Variants in ERAP2 observed in about 807,000 individuals in gnomAD.
ERAP2 encodes leukocyte-derived arginine aminopeptidase.
ERAP2 carries 118 observed loss-of-function variants against 111.1 expected under a neutral mutation model. The observed-to-expected ratio is 1.06, with a 90% CI of 0.92 to 1.24. The LOEUF is 1.24. Ranked by LOEUF, ERAP2 falls within the 50% of genes most tolerant of loss-of-function variation. ERAP2 has a pLI of 0.00. For missense variants in ERAP2, 1,131 were observed against 1,125.8 expected, an observed-to-expected ratio of 1.00 and a Z score of -0.07; for synonymous variants, 410 against 401.2, an observed-to-expected ratio of 1.02 and a Z score of -0.26.
intron 9 of ERAP2, 131 bp from the exon 10 acceptor site, chr5:96,899,990 T>C (rs1785277286): frequency 1.8e-6 from 2 of 1,099,600 alleles, no homozygotes; most frequent in Non-Finnish European, 2.6e-6. Flanking sequence ...TCCATTTTTA[T>C]GTTCATTATC....
intron 4 of ERAP2, among the ~76,000 whole-genome samples, chr5:96,888,782 T>C (rs529859810): frequency 2.0e-5 from 3 of 152,220 alleles, no homozygotes; most frequent in Non-Finnish European, 4.4e-5. Context: ...GCTTCCCACA[T>C]AGGTCTAGAA....
intron 4 of ERAP2, 72 bp from the exon 5 acceptor site, chr5:96,889,111 TGA>T: frequency 6.4e-7 from 1 of 1,571,750 alleles, no homozygotes; most frequent in Non-Finnish European, 8.7e-7. Flanking sequence ...CCTTTCTGTG[TGA>T]GAGGGTTATC....
chr5:96,914,548 A>C (rs953194112), intron 17 of ERAP2, among the ~76,000 whole-genome samples: 1 of 152,244 alleles, frequency 6.6e-6, no homozygotes, highest in Non-Finnish European at 1.5e-5. Flanking sequence ...TGAAATGATC[A>C]GCCTTAATCT....
chr5:96,880,347 C>A, intron 2 of ERAP2, 87 bp downstream of exon 2: 1 of 1,210,020 alleles, frequency 8.3e-7, no homozygotes, highest in Non-Finnish European at 1.1e-6. Flanking sequence ...CTTCAGCAGC[C>A]ATTTATGAGA....
At chr5:96,896,123 G>A (rs1225213992) in intron 7 of ERAP2, among the ~76,000 whole-genome samples, 1 of 152,046 alleles carries the variant, frequency 6.6e-6, no homozygotes, top group African/African-American at 2.4e-5. Flanking sequence ...GTATTCAAGG[G>A]CTGGTACATG....
rs183766865 is a variant in ERAP2, at chr5:96,907,548, G to A, written c.2013-1413G>A. Among the ~76,000 whole-genome samples the A allele has an allele frequency of 2.0e-5, 3 of 151,180 alleles. No homozygotes were observed. In the Admixed American group the frequency reaches 2.0e-4, roughly 10 times the overall value. On this transcript the variant is annotated intron_variant, in intron 13 of 18. Coordinates refer to ENST00000437043, the MANE Select transcript of ERAP2 (RefSeq NM_022350.5). ...CAGGTATTGTGCTGCTCACACAGGT[G>A]GGAAGGAGTAGCAACATTTTGTGGA...
At chr5:96,897,866 A>G (rs1785024317) in intron 9 of ERAP2, among the ~76,000 whole-genome samples, 1 of 152,214 alleles carries the variant, frequency 6.6e-6, no homozygotes, top group Admixed American at 6.5e-5. Context: ...GACAGTAATA[A>G]TATTGTTTAA....
Position 96,903,524 on chromosome 5 carries a change from G to C in ERAP2, c.1976G>C (p.Arg659Thr). 6.2e-7 allele frequency: 1 copy of C among 1,610,596 alleles called. No homozygotes were observed. The highest frequency in any genetic ancestry group is 8.5e-7 in the Non-Finnish European group (1 of 1,179,076). The change falls in exon 13 of 19, where the codon AGA becomes ACA. Residue 659 changes from arginine to threonine, a missense_variant. Arg to Thr is a moderately conservative substitution (Grantham distance 71, BLOSUM62 -1). Transcript: ENST00000437043. Reference protein sequence around the residue: ...QNHTLLRPKDRVGLIHDVFQL... With the variant: ...QNHTLLRPKDTVGLIHDVFQL... ...CACACACTTCTCAGACCTAAGGACAGAGTAGGTCTGATTCATGATGTGTTT... is the reference window on the plus strand; with the variant it reads ...CACACACTTCTCAGACCTAAGGACACAGTAGGTCTGATTCATGATGTGTTT...
At chr5:96,908,477 G>T (rs1192819882) in intron 13 of ERAP2, among the ~76,000 whole-genome samples, 1 of 152,088 alleles carries the variant, frequency 6.6e-6, no homozygotes, top group Non-Finnish European at 1.5e-5. Context: ...TAGGATTAAG[G>T]ACAAACATCA....
chr5:96,914,680 T>A (rs914289272), intron 17 of ERAP2, among the ~76,000 whole-genome samples: 1 of 152,202 alleles, frequency 6.6e-6, no homozygotes, highest in Non-Finnish European at 1.5e-5. Context: ...TCAACATGAA[T>A]CACTTTGACC....
intron 5 of ERAP2, among the ~76,000 whole-genome samples, chr5:96,890,831 T>G (rs1974871): frequency 5.9e-5 from 9 of 151,960 alleles, no homozygotes; most frequent in Non-Finnish European, 1.3e-4. Flanking sequence ...CCCATTTATA[T>G]GTAATTCACT....
chr5:96,887,128 T>C (rs868611569), intron 4 of ERAP2, among the ~76,000 whole-genome samples: 51 of 144,846 alleles, frequency 3.5e-4, no homozygotes, highest in African/African-American at 1.1e-3. Flanking sequence ...CACACACACA[T>C]ACATATATAC....
chr5:96,891,905 A>T (rs548837061), intron 5 of ERAP2, among the ~76,000 whole-genome samples: 1 of 152,286 alleles, frequency 6.6e-6, no homozygotes, highest in Non-Finnish European at 1.5e-5. Flanking sequence ...GTTTTGATGA[A>T]TCTCAAACAT....
rs1359823799 is a variant in ERAP2 at position 96,879,879 on chromosome 5, A to G, written c.194A>G (p.Gln65Arg). The change falls in exon 2 of 19, where the codon CAG becomes CGG. Residue 65 changes from glutamine to arginine, a missense_variant. By Grantham distance (43) the Gln-to-Arg change is conservative. Coordinates refer to ENST00000437043, the MANE Select transcript of ERAP2 (RefSeq NM_022350.5). ...VATNGERFPW[Q>R]ELRLPSVVIP... Reference sequence around the variant, plus strand: ...ACTAATGGGGAACGATTTCCTTGGCAGGAGCTAAGGCTCCCCAGTGTGGTC... The same window carrying G: ...ACTAATGGGGAACGATTTCCTTGGCGGGAGCTAAGGCTCCCCAGTGTGGTC... 1.2e-6 allele frequency: 2 copies of G among 1,614,052 alleles called. No individual in the cohort carries two copies. The highest frequency in any genetic ancestry group is 1.3e-5 in the African/African-American group (1 of 74,930).
intron 3 of ERAP2, among the ~76,000 whole-genome samples, chr5:96,885,932 A>G (rs1783673101): frequency 6.6e-6 from 1 of 152,238 alleles, no homozygotes; most frequent in Middle Eastern, 3.2e-3. Context: ...GGAGATGGAC[A>G]GAAGCTTAAA....
intron 6 of ERAP2, among the ~76,000 whole-genome samples, 176 bp from the exon 7 acceptor site, chr5:96,895,070 G>A (rs527253161): frequency 6.6e-6 from 1 of 152,036 alleles, no homozygotes; most frequent in Admixed American, 6.6e-5. Context: ...ATGTGGTGGT[G>A]AGAATAAGAA....
Position 96,912,823 on chromosome 5 carries a change from T to C in ERAP2, c.2516+25T>C. On this transcript the variant is annotated intron_variant, in intron 16 of 18. Coordinates refer to ENST00000437043, the MANE Select transcript of ERAP2 (RefSeq NM_022350.5). ...AGTAAGTTCAATAATTTAACTAAATTGTTATAAGTAAACTGACACAAATTC... is the reference window on the plus strand; with the variant it reads ...AGTAAGTTCAATAATTTAACTAAATCGTTATAAGTAAACTGACACAAATTC... 1.9e-6 allele frequency: 3 copies of C among 1,569,678 alleles called. No homozygotes were observed. In the South Asian group the frequency reaches 3.6e-5, roughly 19 times the overall value.
chr5:96,898,676 T>C (rs1581856361), intron 9 of ERAP2, among the ~76,000 whole-genome samples: 1 of 150,832 alleles, frequency 6.6e-6, no homozygotes, highest in African/African-American at 2.4e-5. Context: ...GGAGGCGGAG[T>C]TGCAATGAGC....
chr5:96,895,404 C>A (rs1017107193), intron 7 of ERAP2, 45 bp downstream of exon 7: 2 of 1,254,826 alleles, frequency 1.6e-6, no homozygotes, highest in Non-Finnish European at 2.3e-6. Flanking sequence ...TGTAAAGAAT[C>A]ATCAATTCAC....
Sources: allele counts gnomAD v4.1 joint callset (sites outside exome capture counted in the v4.1 genomes callset), GRCh38; gene constraint gnomAD v4.1.1; transcripts MANE v1.5; gene names NCBI Gene and HGNC (gene_info 2026-07-23, HGNC 2026-07-21).